Variants in LIPA observed in about 807,000 individuals in gnomAD.
LIPA encodes lysosomal acid lipase/cholesteryl ester hydrolase.
In LIPA, 26 loss-of-function variants were observed where a neutral mutation model predicts 40.6. The ratio of observed to expected loss-of-function variants is 0.64; its 90% CI spans 0.47 to 0.89. The LOEUF is 0.89. Among genes scored for constraint, LIPA ranks in the 40% least tolerant of loss-of-function variants. The pLI is 0.00. For synonymous variants in LIPA, 188 were observed against 168.4 expected, an observed-to-expected ratio of 1.12 and a Z score of -0.90; for missense variants, 455 against 479.6, an observed-to-expected ratio of 0.95 and a Z score of 0.48.
intron 2 of LIPA, among the ~76,000 whole-genome samples, chr10:89,375,516 C>T (rs1289561015): frequency 6.6e-6 from 1 of 152,164 alleles, no homozygotes; most frequent in Non-Finnish European, 1.5e-5. Flanking sequence ...CCAAAATAAA[C>T]AAGATGGCAA....
chr10:89,300,586 G>T (rs1286023982), intron 1 of LIPA, among the ~76,000 whole-genome samples: 1 of 152,188 alleles, frequency 6.6e-6, no homozygotes, highest in Non-Finnish European at 1.5e-5. Context: ...TGGGGCTTGG[G>T]GAAGCCAAGA....
rs1473448232 is a variant in LIPA at position 89,228,233 on chromosome 10, A to G, written c.395T>C (p.Leu132Pro). ...CCAGAATTCATCCTGAGAAACTGAGAGTGTCTTATGTTTCCGAGACCAGGT... is the reference window on the plus strand; with the variant it reads ...CCAGAATTCATCCTGAGAAACTGAGGGTGTCTTATGTTTCCGAGACCAGGT... ...GNTWSRKHKT[L>P]SVSQDEFWAF... Residue 132 changes from leucine (L) to proline (P), a missense_variant, in exon 4 of 10, where the codon CTC (leucine) becomes CCC (proline). Physicochemically the swap from Leu to Pro is moderately conservative, Grantham distance 98 (BLOSUM62 -3). Coordinates refer to ENST00000336233, the MANE Select transcript of LIPA (RefSeq NM_000235.4). 1 of 1,614,130 alleles carries G rather than the reference A, an allele frequency of 6.2e-7. No homozygotes were observed.
At chr10:89,306,869 G>T (rs1409622028) in intron 1 of LIPA, 1 of 1,614,062 alleles carries the variant, frequency 6.2e-7, no homozygotes, top group African/African-American at 1.3e-5. Context: ...AAGAGAGAAT[G>T]GAATGTATGG....
At chr10:89,347,313 T>C (rs1295569880), upstream of LIPA, among the ~76,000 whole-genome samples, 1 of 152,234 alleles carries the variant, frequency 6.6e-6, no homozygotes, top group African/African-American at 2.4e-5. Flanking sequence ...GGACTGATCA[T>C]GTATGCACCC....
At chr10:89,266,349 A>C (rs574066454) in intron 1 of LIPA, among the ~76,000 whole-genome samples, 1 of 152,356 alleles carries the variant, frequency 6.6e-6, no homozygotes, top group South Asian at 2.1e-4. Flanking sequence ...TTCAGTCAAG[A>C]ATGATGGTGA....
chr10:89,227,048 A>C (rs1361141654), intron 4 of LIPA, 44 bp from the exon 5 acceptor site: 4 of 1,155,984 alleles, frequency 3.5e-6, no homozygotes, highest in Non-Finnish European at 5.2e-6. Context: ...TAGTACATAA[A>C]ATAGAGCACA....
At chr10:89,383,420 A>G in intron 2 of LIPA, 1 of 1,614,234 alleles carries the variant, frequency 6.2e-7, no homozygotes, top group Non-Finnish European at 8.5e-7. Context: ...CCTGATTTAG[A>G]AAACAGGATC....
chr10:89,291,115 T>C (rs999407985), intron 1 of LIPA, among the ~76,000 whole-genome samples: 1 of 152,116 alleles, frequency 6.6e-6, no homozygotes, highest in African/African-American at 2.4e-5. Context: ...TTGTTCTTTT[T>C]TTCATTTCCT....
intron 1 of LIPA, among the ~76,000 whole-genome samples, chr10:89,305,650 C>A (rs1843473141): frequency 6.6e-6 from 1 of 152,158 alleles, no homozygotes. Flanking sequence ...CAAGCCTCCA[C>A]AGAGACCCTC....
At chr10:89,386,946 A>AGTGTGTGTGT (rs756939371) in intron 2 of LIPA, among the ~76,000 whole-genome samples, 2,560 of 125,870 alleles carry the variant, frequency 0.02, 74 homozygotes, top group African/African-American at 0.069. Flanking sequence ...TGGGTATATG[A>AGTGTGTGTGT]GTGTGTGTGT....
At chr10:89,412,876 C>T (rs746204484) in exon 2 of LIPA, 9 of 289,204 alleles carry the variant, frequency 3.1e-5, no homozygotes, top group Admixed American at 9.3e-5. Context: ...GCACTCACAG[C>T]GAGAGTCCGC....
chr10:89,339,437 T>C (rs1375130896), intron 1 of LIPA: 20 of 1,614,160 alleles, frequency 1.2e-5, no homozygotes, highest in Non-Finnish European at 1.7e-5. Context: ...GACAAAGCTA[T>C]TGAACTGTTT....
chr10:89,402,176 G>A, intron 2 of LIPA: 1 of 709,980 alleles, frequency 1.4e-6, no homozygotes, highest in South Asian at 1.9e-5. Context: ...ACCTAAGTAA[G>A]TTGATCCTTT....
chr10:89,295,015 T>TTAAATGAAAGGAAAG (rs1843404066), intron 1 of LIPA, among the ~76,000 whole-genome samples: 2 of 60,260 alleles, frequency 3.3e-5, no homozygotes, highest in Non-Finnish European at 7.0e-5. Flanking sequence ...GGAAAGGAAA[T>TTAAATGAAAGGAAAG]GAAATGAAAG....
chr10:89,279,035 C>T (rs1240196860), intron 1 of LIPA, among the ~76,000 whole-genome samples: 2 of 152,120 alleles, frequency 1.3e-5, no homozygotes, highest in African/African-American at 4.8e-5. Flanking sequence ...GAGAAAATGG[C>T]TTCTGTGAAA....
At chr10:89,288,352 T>C (rs11499023) in intron 1 of LIPA, among the ~76,000 whole-genome samples, 5,859 of 152,138 alleles carry the variant, frequency 0.039, 311 homozygotes, top group African/African-American at 0.11. Context: ...CCTAAATCCT[T>C]TTGCCACTCC....
chr10:89,337,764 C>A (rs1309298935), intron 1 of LIPA, among the ~76,000 whole-genome samples: 1 of 152,326 alleles, frequency 6.6e-6, no homozygotes, highest in African/African-American at 2.4e-5. Flanking sequence ...TCCTCTTACC[C>A]ATCTTACCTC....
At chr10:89,325,839 G>A (rs914028914) in intron 1 of LIPA, among the ~76,000 whole-genome samples, 9 of 152,008 alleles carry the variant, frequency 5.9e-5, no homozygotes, top group Middle Eastern at 3.4e-3. Context: ...AAACCTGTAC[G>A]TGTATACCTG....
At chr10:89,253,849 C>T (rs187285377), upstream of LIPA, among the ~76,000 whole-genome samples, 3 of 152,362 alleles carry the variant, frequency 2.0e-5, no homozygotes, top group Admixed American at 6.5e-5. Flanking sequence ...GAGCTAAAAG[C>T]CGCATGCAAG....
Sources: allele counts gnomAD v4.1 joint callset (sites outside exome capture counted in the v4.1 genomes callset), GRCh38; gene constraint gnomAD v4.1.1; transcripts MANE v1.5; gene names NCBI Gene and HGNC (gene_info 2026-07-23, HGNC 2026-07-21).